Variants in GBE1 observed in about 807,000 individuals in gnomAD.
GBE1 encodes the protein 1,4-alpha-glucan branching enzyme 1.
Under a neutral mutation model 88.8 loss-of-function variants are expected in GBE1, and 70 were observed. The observed-to-expected ratio is 0.79, with a 90% CI of 0.65 to 0.96. The LOEUF (loss-of-function observed/expected upper bound fraction) is 0.96, where lower values mean the gene tolerates loss of function less well. GBE1 is among the 40% of genes least tolerant of loss of function. The pLI is 0.00. For synonymous variants in GBE1, 284 were observed against 300.1 expected, an observed-to-expected ratio of 0.95 and a Z score of 0.56; for missense variants, 872 against 871.0, an observed-to-expected ratio of 1.00 and a Z score of -0.01.
Position 81,649,795 on chromosome 3 carries a change from C to A in GBE1, c.555+1G>T, listed in dbSNP as rs759707498. ...TTTATTTAAAGATTTGTTGTTCTCACCTCATATGAGTGTTCTGGATCCCAG... is the reference window on the plus strand; with the variant it reads ...TTTATTTAAAGATTTGTTGTTCTCAACTCATATGAGTGTTCTGGATCCCAG... On this transcript the variant is annotated splice_donor_variant, in intron 4 of 15. Transcript: ENST00000429644. LOFTEE classifies it high-confidence loss of function. 13 of 1,601,452 alleles carry A rather than the reference C, an allele frequency of 8.1e-6. No individual in the cohort carries two copies. The Admixed American group carries it at 2.3e-4, about 28-fold the overall frequency.
intron 7 of GBE1, among the ~76,000 whole-genome samples, chr3:81,604,323 T>A (rs1704075383): frequency 6.7e-6 from 1 of 148,840 alleles, no homozygotes. Context: ...GGTCTCACTT[T>A]CTTGCCCAGG....
At chr3:81,714,833 C>G (rs1705919636) in intron 1 of GBE1, among the ~76,000 whole-genome samples, 1 of 152,186 alleles carries the variant, frequency 6.6e-6, no homozygotes, top group African/African-American at 2.4e-5. Flanking sequence ...TCCTTGTTTT[C>G]TGATGGCCAC....
chr3:81,622,487 A>T (rs900621983), intron 7 of GBE1, among the ~76,000 whole-genome samples: 7 of 152,184 alleles, frequency 4.6e-5, no homozygotes, highest in African/African-American at 1.7e-4. Flanking sequence ...CACACTCTTC[A>T]GATGATCTGA....
intron 15 of GBE1, among the ~76,000 whole-genome samples, chr3:81,497,352 G>A (rs551699545): frequency 3.9e-5 from 6 of 152,208 alleles, no homozygotes; most frequent in Non-Finnish European, 8.8e-5. Context: ...AACAATAATT[G>A]CCTCTCCATG....
intron 7 of GBE1, among the ~76,000 whole-genome samples, chr3:81,637,365 G>C (rs1187882523): frequency 7.2e-5 from 11 of 152,124 alleles, no homozygotes; most frequent in Non-Finnish European, 1.0e-4. Flanking sequence ...AAAGTACTAT[G>C]AGTAACTGAA....
rs373637690 is a variant in GBE1, at chr3:81,560,062, C to T, written c.1618+17863G>A. 1.3e-3 allele frequency among the ~76,000 whole-genome samples: 201 copies of T among 152,008 alleles called. 2 individuals carry two copies. In the South Asian group the frequency reaches 0.022, roughly 16 times the overall value. On this transcript the variant is annotated intron_variant, in intron 12 of 15. Coordinates refer to ENST00000429644, the MANE Select transcript of GBE1 (RefSeq NM_000158.4). ...GTCTTGCTTTAATAAATAAAATGTC[C>T]TCTAAAAAGTCAATAAATGGATTTC...
At chr3:81,589,695 T>C (rs1195490465) in intron 9 of GBE1, among the ~76,000 whole-genome samples, 1 of 152,076 alleles carries the variant, frequency 6.6e-6, no homozygotes, top group Non-Finnish European at 1.5e-5. Context: ...CTTCTTTTTC[T>C]TCAGTACTCA....
At chr3:81,551,896 C>T (rs1237979593) in intron 12 of GBE1, among the ~76,000 whole-genome samples, 4 of 152,250 alleles carry the variant, frequency 2.6e-5, no homozygotes, top group Non-Finnish European at 5.9e-5. Context: ...AATATCCATA[C>T]CCCCAATTCT....
At chr3:81,741,809 A>AAT (rs1382667957) in intron 1 of GBE1, among the ~76,000 whole-genome samples, 6 of 148,076 alleles carry the variant, frequency 4.1e-5, no homozygotes, top group African/African-American at 1.5e-4. Context: ...TACTCTACAT[A>AAT]ATATAGAGTA....
At chr3:81,746,115 CA>C (rs1706417067) in intron 1 of GBE1, among the ~76,000 whole-genome samples, 1 of 152,068 alleles carries the variant, frequency 6.6e-6, no homozygotes, top group African/African-American at 2.4e-5. Context: ...AATAAACAGA[CA>C]AAATGAATGA....
chr3:81,572,904 G>A (rs964602325), intron 12 of GBE1, among the ~76,000 whole-genome samples: 2 of 151,968 alleles, frequency 1.3e-5, no homozygotes, highest in Non-Finnish European at 2.9e-5. Context: ...ACATGATAAG[G>A]CCATATGACT....
At chr3:81,525,018 T>A (rs1224505193) in intron 14 of GBE1, among the ~76,000 whole-genome samples, 1 of 151,954 alleles carries the variant, frequency 6.6e-6, no homozygotes, top group East Asian at 1.9e-4. Flanking sequence ...GTCATTGGTA[T>A]ACGGCCATTC....
intron 2 of GBE1, among the ~76,000 whole-genome samples, chr3:81,671,521 C>T (rs1307966597): frequency 6.6e-6 from 1 of 151,980 alleles, no homozygotes; most frequent in African/African-American, 2.4e-5. Context: ...CTCACACACA[C>T]GACACTTAAC....
At chr3:81,732,945 T>G (rs1706208977) in intron 1 of GBE1, among the ~76,000 whole-genome samples, 1 of 152,184 alleles carries the variant, frequency 6.6e-6, no homozygotes. Flanking sequence ...CCCTAGCTCA[T>G]TCTGTCCCAT....
chr3:81,619,047 C>A (rs1242456193), intron 7 of GBE1, among the ~76,000 whole-genome samples: 1 of 151,966 alleles, frequency 6.6e-6, no homozygotes, highest in African/African-American at 2.4e-5. Flanking sequence ...ATAATTTTGT[C>A]ATCTATTGCA....
At chr3:81,665,245 A>T (rs369351083) in intron 3 of GBE1, among the ~76,000 whole-genome samples, 90 of 152,216 alleles carry the variant, frequency 5.9e-4, no homozygotes, top group African/African-American at 2.0e-3. Flanking sequence ...TAGACATGAG[A>T]TTTGTTGGCC....
At chr3:81,676,679 T>C (rs1705259751) in intron 2 of GBE1, among the ~76,000 whole-genome samples, 1 of 152,136 alleles carries the variant, frequency 6.6e-6, no homozygotes, top group South Asian at 2.1e-4. Flanking sequence ...CTGGGATACA[T>C]GTGCAGAACG....
chr3:81,500,287 T>C (rs1702570823), intron 14 of GBE1, among the ~76,000 whole-genome samples: 1 of 152,144 alleles, frequency 6.6e-6, no homozygotes, highest in Non-Finnish European at 1.5e-5. Context: ...AAATGATGAC[T>C]ACCAGGCACA....
chr3:81,613,320 A>G (rs1000189953), intron 7 of GBE1, among the ~76,000 whole-genome samples: 11 of 152,006 alleles, frequency 7.2e-5, no homozygotes, highest in African/African-American at 2.7e-4. Context: ...TGTCTGAACT[A>G]TATGGAATCA....
Sources: allele counts gnomAD v4.1 joint callset (sites outside exome capture counted in the v4.1 genomes callset), GRCh38; gene constraint gnomAD v4.1.1; transcripts MANE v1.5; gene names NCBI Gene and HGNC (gene_info 2026-07-23, HGNC 2026-07-21).